Variants in HNRNPK observed in about 807,000 individuals in gnomAD.
HNRNPK encodes the protein heterogeneous nuclear ribonucleoprotein K.
HNRNPK carries 7 observed loss-of-function variants against 67.0 expected under a neutral mutation model. That is an observed-to-expected ratio of 0.10 (90% CI 0.06 to 0.20). HNRNPK has a LOEUF of 0.20. Ranked by LOEUF, HNRNPK falls within the 10% of genes least tolerant of loss-of-function variation. The pLI is 1.00. For missense variants in HNRNPK, 264 were observed against 606.5 expected, an observed-to-expected ratio of 0.44 and a Z score of 5.93; for synonymous variants, 213 against 193.7, an observed-to-expected ratio of 1.10 and a Z score of -0.83.
rs1423994731 is a variant in HNRNPK at position 83,968,259 on chromosome 9, AG to A, written c.*1147del. 1.3e-5 allele frequency: 2 copies of A among 152,316 alleles called. No individual in the cohort carries two copies. Among genetic ancestry groups the A allele is most frequent in the Admixed American group, 6.6e-5 (1 of 15,258 alleles). The allele number at this position is 152,316 out of a possible 1,614,324, so 9.4% of individuals were successfully genotyped here. On this transcript the variant is annotated 3_prime_UTR_variant, in exon 17 of 17. Transcript: ENST00000376263. Reference sequence around the variant, plus strand: ...CCAAGATACTACACAAAACATCCACAGGAACTTTTTTCATCTTTTTTTTTTT... The same window carrying A: ...CCAAGATACTACACAAAACATCCACAGAACTTTTTTCATCTTTTTTTTTTT...
rs1588405808 is a variant in HNRNPK, at chr9:83,969,085, G to A, written c.*322C>T. ...AGCAAGGTGTTCACAATAATTACATGGGGGGAATTTTTTAAACCACCAACA... is the reference window on the plus strand; with the variant it reads ...AGCAAGGTGTTCACAATAATTACATAGGGGGAATTTTTTAAACCACCAACA... On this transcript the variant is annotated 3_prime_UTR_variant, in exon 17 of 17. Coordinates refer to ENST00000376263, the MANE Select transcript of HNRNPK (RefSeq NM_031263.4). 2.0e-6 allele frequency: 1 copy of A among 492,054 alleles called. No homozygotes were observed. Among genetic ancestry groups the A allele is most frequent in the East Asian group, 3.3e-5 (1 of 30,324 alleles). The allele number at this position is 492,054 out of a possible 1,614,324, so 30.5% of individuals were successfully genotyped here.
chr9:83,970,114 A>G, intron 16 of HNRNPK, 48 bp downstream of exon 16: 1 of 1,471,586 alleles, frequency 6.8e-7, no homozygotes, highest in African/African-American at 1.4e-5. Flanking sequence ...AAAGCTTTTT[A>G]AAGGTTTTAG....
intron 9 of HNRNPK, 128 bp from the exon 10 acceptor site, chr9:83,973,100 G>A: frequency 1.3e-6 from 1 of 786,914 alleles, no homozygotes; most frequent in Non-Finnish European, 2.0e-6. Flanking sequence ...AATTATCACA[G>A]GGCTTTGCAA....
At chr9:83,971,172 A>C (rs1588413998) in intron 13 of HNRNPK, 101 bp downstream of exon 13, 1 of 902,382 alleles carries the variant, frequency 1.1e-6, no homozygotes. Context: ...CCTGTATCCT[A>C]TTTTCAGTAA....
rs763291960 is a variant in HNRNPK, at chr9:83,970,257, T to C, written c.1266A>G (p.Lys422=). 1 of 1,613,936 alleles carries C rather than the reference T, an allele frequency of 6.2e-7. No homozygotes were observed. Among genetic ancestry groups the C allele is most frequent in the Non-Finnish European group, 8.5e-7 (1 of 1,179,832 alleles). ...QIRHESGASI[K]IDEPLEGSED... ...CGGATCCTTCTAAAGGCTCATCAAT[T>C]TTGATCGAAGCTCCCGACTCATGAC... The change falls in exon 16 of 17, where the codon AAA becomes AAG. Residue 422 remains lysine (K), a synonymous_variant. Transcript: ENST00000376263.
chr9:83,972,730 G>T, intron 10 of HNRNPK, 114 bp downstream of exon 10: 1 of 701,056 alleles, frequency 1.4e-6, no homozygotes, highest in Non-Finnish European at 2.3e-6. Flanking sequence ...ATAGAAAATT[G>T]CTAGGGAAAG....
chr9:83,969,257 G>T lies in HNRNPK; in HGVS notation c.*150C>A. The T allele has an allele frequency of 1.4e-6, 1 of 721,722 alleles. No individual in the cohort carries two copies. Among genetic ancestry groups the T allele is most frequent in the Non-Finnish European group, 2.5e-6 (1 of 400,492 alleles). The allele number at this position is 721,722 out of a possible 1,614,324, so 44.7% of individuals were successfully genotyped here. A position where few individuals can be genotyped will look rare whatever the true frequency, so the allele number is the denominator to read the frequency against. On this transcript the variant is annotated 3_prime_UTR_variant, in exon 17 of 17. Transcript: ENST00000376263. ...GCAAAGATTTCACTACACCTCAAAT[G>T]CAGAACACCTATGAAGCAGAGGAAT...
In HNRNPK at chr9:83,978,228, TTTC is replaced by T. The variant is rs778647031; in HGVS notation, c.22_24del (p.Glu8del). 1.2e-6 allele frequency: 2 copies of T among 1,612,570 alleles called. No individual in the cohort carries two copies. Among genetic ancestry groups the T allele is most frequent in the South Asian group, 2.2e-5 (2 of 90,926 alleles). On this transcript the variant is annotated inframe_deletion, in exon 3 of 17. Coordinates refer to ENST00000376263, the MANE Select transcript of HNRNPK (RefSeq NM_031263.4). ...CCATTGGTTTCAGTGTTAGGGAAGG[TTTC>T]TTCTGGCTGTTCAGTTTCCATATTC... is the stretch of plus-strand genomic sequence containing the variant.
intron 8 of HNRNPK, 139 bp from the exon 9 acceptor site, chr9:83,973,538 G>A (rs1422397863): frequency 4.8e-6 from 3 of 627,680 alleles, no homozygotes; most frequent in Non-Finnish European, 8.6e-6. Context: ...CCAGTTATGT[G>A]CTTATTATCC....
At chr9:83,971,579 A>G (rs964012487) in intron 12 of HNRNPK, 93 bp downstream of exon 12, 2 of 1,069,138 alleles carry the variant, frequency 1.9e-6, no homozygotes, top group African/African-American at 3.2e-5. Flanking sequence ...TGTAAGAAAA[A>G]CTTTTTAATC....
chr9:83,978,336 A>C (rs1957168240), intron 2 of HNRNPK, 37 bp downstream of exon 2: 1 of 1,366,244 alleles, frequency 7.3e-7, no homozygotes, highest in Non-Finnish European at 9.8e-7. Context: ...AGCTGTAAAA[A>C]AAAAAAAAAA....
intron 13 of HNRNPK, 32 bp downstream of exon 13, chr9:83,971,241 T>C: frequency 7.4e-7 from 1 of 1,352,600 alleles, no homozygotes; most frequent in Non-Finnish European, 1.1e-6. Context: ...AAATTATCAC[T>C]GATATACACA....
chr9:83,974,763 C>T, intron 6 of HNRNPK, 174 bp from the exon 7 acceptor site: 1 of 577,854 alleles, frequency 1.7e-6, no homozygotes, highest in Non-Finnish European at 3.1e-6. Context: ...GTTTTATACC[C>T]AATACAGACA....
At chr9:83,971,390 A>C (rs1956831874) in intron 12 of HNRNPK, 34 bp from the exon 13 acceptor site, 2 of 1,421,596 alleles carry the variant, frequency 1.4e-6, no homozygotes, top group African/African-American at 1.4e-5. Flanking sequence ...ATGAACCCGC[A>C]TTGTATTTTG....
chr9:83,978,394 G>A lies in HNRNPK; in HGVS notation c.-49C>T, dbSNP rs972064481. Reference sequence around the variant, plus strand: ...GTACCAGTTATTATATATCCTTGCAGAGCAGAACTGAAGCGTTCTGGGTCG... The same window carrying A: ...GTACCAGTTATTATATATCCTTGCAAAGCAGAACTGAAGCGTTCTGGGTCG... On this transcript the variant is annotated 5_prime_UTR_variant, in exon 2 of 17. Coordinates refer to ENST00000376263, the MANE Select transcript of HNRNPK (RefSeq NM_031263.4). 13 of 1,453,046 alleles carry A rather than the reference G, an allele frequency of 8.9e-6. No individual in the cohort carries two copies. The highest frequency in any genetic ancestry group is 2.9e-5 in the Admixed American group (1 of 34,500). 90.0% of individuals were successfully genotyped at this position (1,453,046 alleles called of 1,614,324 possible). A position where few individuals can be genotyped will look rare whatever the true frequency, so the allele number is the denominator to read the frequency against.
chr9:83,978,131 A>T, intron 3 of HNRNPK, 64 bp downstream of exon 3: 1 of 1,064,326 alleles, frequency 9.4e-7, no homozygotes, highest in Non-Finnish European at 1.5e-6. Flanking sequence ...GGCAATAATT[A>T]ACAGAAAAAG....
intron 16 of HNRNPK, 63 bp from the exon 17 acceptor site, chr9:83,969,503 TCAAGA>T: frequency 2.0e-6 from 2 of 977,990 alleles, no homozygotes; most frequent in South Asian, 1.4e-5. Context: ...TTAATCAACA[TCAAGA>T]CAATTTCAAT....
At chr9:83,971,209 C>T (rs758723695) in intron 13 of HNRNPK, 64 bp downstream of exon 13, 4 of 1,121,656 alleles carry the variant, frequency 3.6e-6, no homozygotes, top group Non-Finnish European at 5.5e-6. Flanking sequence ...AAAAAACTTA[C>T]TGGAGAGCAG....
In HNRNPK at chr9:83,973,977, A is replaced by G; in HGVS notation, c.331-4T>C. 2 of 1,609,902 alleles carry G rather than the reference A, an allele frequency of 1.2e-6. No homozygotes were observed. Among genetic ancestry groups the G allele is most frequent in the Non-Finnish European group, 1.7e-6 (2 of 1,176,174 alleles). On this transcript the variant is annotated splice_polypyrimidine_tract_variant and splice_region_variant and intron_variant, in intron 7 of 16. Coordinates refer to ENST00000376263, the MANE Select transcript of HNRNPK (RefSeq NM_031263.4). ...TGGGTGATGGCAACTGCAGGCCCTGAAAGTAGAAAAATAAGAGTAATAGGT... is the reference window on the plus strand; with the variant it reads ...TGGGTGATGGCAACTGCAGGCCCTGGAAGTAGAAAAATAAGAGTAATAGGT...
Sources: allele counts gnomAD v4.1 joint callset, GRCh38; gene constraint gnomAD v4.1.1; transcripts MANE v1.5; gene names NCBI Gene and HGNC (gene_info 2026-07-23, HGNC 2026-07-21).